Variants in ATP9B observed in about 807,000 individuals in gnomAD.
The protein encoded by ATP9B is ATPase phospholipid transporting 9B.
In ATP9B, 110 loss-of-function variants were observed where a neutral mutation model predicts 146.1. The observed-to-expected ratio is 0.75, with a 90% CI of 0.65 to 0.88. ATP9B has a LOEUF of 0.88. Ranked by LOEUF, ATP9B falls within the 40% of genes least tolerant of loss-of-function variation. ATP9B has a pLI of 0.00. For missense variants in ATP9B, 1,499 were observed against 1,496.4 expected (o/e 1.00, Z -0.03); for synonymous variants, 604 against 569.7 (o/e 1.06, Z -0.86).
intron 12 of ATP9B, among the ~76,000 whole-genome samples, chr18:79,273,608 G>T (rs578015369): frequency 3.0e-4 from 45 of 152,320 alleles, no homozygotes; most frequent in Middle Eastern, 3.4e-3. Context: ...AATCTCGCGC[G>T]ATTCTCAGAC....
At position 79,253,392 on chromosome 18, in the gene ATP9B, G is replaced by C. The variant is rs1313078240; in HGVS notation, c.1119G>C (p.Leu373Phe). ...TGTTTTTCTTTCAGGTTGGTTTGTT[G>C]GACCTTGAACTCAATCGGCTGACGA... ...TSNPKNKVGL[L>F]DLELNRLTKA... The change falls in exon 12 of 30, where the codon TTG becomes TTC. Residue 373 changes from leucine to phenylalanine, a missense_variant. Leu to Phe is a conservative substitution (Grantham distance 22). Coordinates refer to ENST00000426216, the MANE Select transcript of ATP9B (RefSeq NM_198531.5). 1.2e-6 allele frequency: 2 copies of C among 1,606,786 alleles called. No homozygotes were observed. The highest frequency in any genetic ancestry group is 1.3e-5 in the African/African-American group (1 of 74,270).
At chr18:79,095,293 G>T (rs976962003) in intron 1 of ATP9B, among the ~76,000 whole-genome samples, 1 of 152,042 alleles carries the variant, frequency 6.6e-6, no homozygotes, top group Non-Finnish European at 1.5e-5. Context: ...TTGGCTCTAT[G>T]CACCCTCCTG....
At chr18:79,307,291 A>G in intron 15 of ATP9B, 57 bp downstream of exon 15, 3 of 1,605,148 alleles carry the variant, frequency 1.9e-6, no homozygotes, top group South Asian at 1.1e-5. Context: ...CTCCAGAGTC[A>G]TGAGGATTCA....
At chr18:79,261,537 T>C (rs1328579558) in intron 12 of ATP9B, among the ~76,000 whole-genome samples, 1 of 151,800 alleles carries the variant, frequency 6.6e-6, no homozygotes, top group Non-Finnish European at 1.5e-5. Context: ...GCAGCCCACC[T>C]CCACCCTCCA....
intron 1 of ATP9B, among the ~76,000 whole-genome samples, chr18:79,079,820 C>T (rs1568373039): frequency 6.6e-6 from 1 of 152,046 alleles, no homozygotes; most frequent in Non-Finnish European, 1.5e-5. Flanking sequence ...AGTTAATTTT[C>T]GTATAAGTTG....
At chr18:79,344,665 A>C (rs545223099) in intron 21 of ATP9B, among the ~76,000 whole-genome samples, 1 of 152,384 alleles carries the variant, frequency 6.6e-6, no homozygotes, top group South Asian at 2.1e-4. Context: ...AGGAGATGTC[A>C]GAGCTGGATC....
At chr18:79,185,081 A>C (rs1416505948) in intron 8 of ATP9B, among the ~76,000 whole-genome samples, 1 of 152,144 alleles carries the variant, frequency 6.6e-6, no homozygotes, top group African/African-American at 2.4e-5. Flanking sequence ...GACAGAGGTT[A>C]GCAGTGCAGG....
At chr18:79,350,382 T>C (rs935370449) in intron 25 of ATP9B, among the ~76,000 whole-genome samples, 4 of 152,232 alleles carry the variant, frequency 2.6e-5, no homozygotes, top group Non-Finnish European at 5.9e-5. Flanking sequence ...ATAACCCCCA[T>C]GATCGTAAGC....
intron 1 of ATP9B, among the ~76,000 whole-genome samples, chr18:79,093,127 T>C (rs1284977201): frequency 6.6e-6 from 1 of 152,234 alleles, no homozygotes; most frequent in Non-Finnish European, 1.5e-5. Flanking sequence ...GCTTCCTTAT[T>C]ATGGGACCAC....
chr18:79,215,849 C>T (rs1254315848), intron 11 of ATP9B, among the ~76,000 whole-genome samples: 1 of 152,106 alleles, frequency 6.6e-6, no homozygotes, highest in Non-Finnish European at 1.5e-5. Context: ...ACCACCCCAC[C>T]TGGCTAATTT....
intron 13 of ATP9B, among the ~76,000 whole-genome samples, chr18:79,290,398 G>GT (rs1487029489): frequency 6.6e-6 from 1 of 152,232 alleles, no homozygotes; most frequent in African/African-American, 2.4e-5. Flanking sequence ...GCGAGACTCT[G>GT]TGGGGTAGGA....
rs190655596 is a variant in ATP9B at position 79,268,828 on chromosome 18, G to A, written c.1269-8226G>A. On this transcript the variant is annotated intron_variant, in intron 12 of 29. Coordinates refer to ENST00000426216, the MANE Select transcript of ATP9B (RefSeq NM_198531.5). Reference sequence around the variant, plus strand: ...CTTTTTGTGCTTTTGATGCTGGTCTGTTCTGAACTCTCAATTCTTGCTTGG... The same window carrying A: ...CTTTTTGTGCTTTTGATGCTGGTCTATTCTGAACTCTCAATTCTTGCTTGG... Among the ~76,000 whole-genome samples, 282 of 152,282 alleles carry A rather than the reference G, an allele frequency of 1.9e-3. 1 individual carries two copies. The highest frequency in any genetic ancestry group is 3.3e-3 in the Non-Finnish European group (223 of 68,010).
rs372806199 is a variant in ATP9B at position 79,205,824 on chromosome 18, A to G, written c.955-1113A>G. Among the ~76,000 whole-genome samples the G allele has an allele frequency of 4.6e-5, 7 of 152,178 alleles. No individual in the cohort carries two copies. The South Asian group carries it at 1.2e-3, about 27-fold the overall frequency. ...GTGTAAATGTAAAACTAGACTGTAC[A>G]TATTGCTGTCGTGATACTGATGTGT... On this transcript the variant is annotated intron_variant, in intron 9 of 29. Transcript: ENST00000426216.
chr18:79,208,049 T>C (rs1304781228), intron 10 of ATP9B, among the ~76,000 whole-genome samples: 1 of 152,068 alleles, frequency 6.6e-6, no homozygotes, highest in Admixed American at 6.5e-5. Context: ...ATGGAGACCA[T>C]CCTGGCTAAC....
intron 15 of ATP9B, 88 bp from the exon 16 acceptor site, chr18:79,329,053 C>A: frequency 7.5e-7 from 1 of 1,339,652 alleles, no homozygotes; most frequent in Non-Finnish European, 9.7e-7. Flanking sequence ...CTCATGTTGG[C>A]AAGCTTTCTG....
chr18:79,207,884 T>G (rs1181765842), intron 10 of ATP9B, among the ~76,000 whole-genome samples: 5 of 152,142 alleles, frequency 3.3e-5, no homozygotes, highest in Non-Finnish European at 5.9e-5. Flanking sequence ...AAGCAAGTGT[T>G]CTAGGTAATG....
intron 5 of ATP9B, among the ~76,000 whole-genome samples, chr18:79,130,617 T>C (rs1397367497): frequency 6.6e-6 from 1 of 151,778 alleles, no homozygotes; most frequent in African/African-American, 2.4e-5. Context: ...GCAAAGCACA[T>C]GAAGGATAAT....
At chr18:79,316,707 A>G (rs1283267650) in intron 15 of ATP9B, among the ~76,000 whole-genome samples, 3 of 151,684 alleles carry the variant, frequency 2.0e-5, no homozygotes, top group Non-Finnish European at 4.4e-5. Context: ...AAAGAAATGA[A>G]CATATGTTAA....
At chr18:79,069,650 G>T (rs1324386151) in intron 1 of ATP9B, 121 bp downstream of exon 1, 4 of 578,686 alleles carry the variant, frequency 6.9e-6, no homozygotes. Flanking sequence ...CTGTTCGCTG[G>T]GAGCCGGGAG....
Sources: allele counts gnomAD v4.1 joint callset (sites outside exome capture counted in the v4.1 genomes callset), GRCh38; gene constraint gnomAD v4.1.1; transcripts MANE v1.5; gene names NCBI Gene and HGNC (gene_info 2026-07-23, HGNC 2026-07-21).